Variants in GPHN observed in about 807,000 individuals in gnomAD.
GPHN encodes the protein gephyrin.
A neutral mutation model predicts 95.5 loss-of-function variants in GPHN; 17 were observed. That is an observed-to-expected ratio of 0.18 (90% CI 0.12 to 0.27). GPHN has a LOEUF of 0.27. Ranked by LOEUF, GPHN falls within the 10% of genes least tolerant of loss-of-function variation. The pLI, the probability that GPHN is intolerant of heterozygous loss-of-function variation, is 1.00. For missense variants in GPHN, 660 were observed against 978.1 expected (o/e 0.67, Z 4.34); for synonymous variants, 320 against 322.5 (o/e 0.99, Z 0.08).
At chr14:67,340,336 G>T in the GPHN span, 13 of 917,178 alleles carry the variant, frequency 1.4e-5, no homozygotes, top group Non-Finnish European at 2.1e-5. Flanking sequence ...TAAAACATAA[G>T]CTGTGCTAAT....
intron 9 of GPHN, among the ~76,000 whole-genome samples, chr14:67,011,426 A>G (rs558240510): frequency 1.1e-4 from 17 of 151,398 alleles, no homozygotes; most frequent in Admixed American, 7.9e-4. Flanking sequence ...AAAAAAAATT[A>G]TCTCGGGGGG....
At chr14:66,829,885 AC>A (rs2061521354) in intron 4 of GPHN, among the ~76,000 whole-genome samples, 2 of 152,250 alleles carry the variant, frequency 1.3e-5, no homozygotes, top group Admixed American at 1.3e-4. Flanking sequence ...CCAGCCTGTC[AC>A]CTTTTTTTTG....
the GPHN span, among the ~76,000 whole-genome samples, chr14:67,621,775 C>A: frequency 6.6e-6 from 1 of 151,502 alleles, no homozygotes; most frequent in African/African-American, 2.4e-5. Flanking sequence ...AAGGGAGAAC[C>A]CTTCTCTTAG....
At position 66,582,474 on chromosome 14, in the gene GPHN, G is replaced by A. The variant is rs1176662220; in HGVS notation, c.64+73883G>A. 2.6e-5 allele frequency among the ~76,000 whole-genome samples: 4 copies of A among 152,074 alleles called. No individual in the cohort carries two copies. The East Asian group carries it at 7.7e-4, about 29-fold the overall frequency. On this transcript the variant is annotated intron_variant, in intron 1 of 22. Coordinates refer to ENST00000478722, the MANE Select transcript of GPHN (RefSeq NM_020806.5). ...ATGTATACATGTGCCATGTTGGTGT[G>A]CTGCACCCATTAACTCATCATTTAG...
the GPHN span, among the ~76,000 whole-genome samples, chr14:67,628,017 GA>G: frequency 6.6e-6 from 1 of 152,264 alleles, no homozygotes; most frequent in Non-Finnish European, 1.5e-5. Flanking sequence ...ATCTAGCAAA[GA>G]CCAAACCTGC....
chr14:67,381,595 A>G, the GPHN span: 1 of 1,611,094 alleles, frequency 6.2e-7, no homozygotes, highest in East Asian at 2.2e-5. Context: ...AATTGTAGAT[A>G]TTGAAGTGGC....
the GPHN span, chr14:67,573,949 G>C: frequency 3.3e-6 from 4 of 1,216,682 alleles, no homozygotes. This position sits in a 1 kb window ranked among gnomAD's most constrained non-coding sequence, Gnocchi z 4.8. Flanking sequence ...GGATATGGCC[G>C]TGAGTGAGAC....
the GPHN span, among the ~76,000 whole-genome samples, chr14:67,411,136 CAAAAAAAAA>C: frequency 2.5e-3 from 128 of 52,078 alleles, no homozygotes; most frequent in African/African-American, 8.4e-3. Flanking sequence ...GACCCTGTCT[CAAAAAAAAA>C]AAAAAAAAAA....
chr14:66,941,239 T>C (rs941115388), intron 8 of GPHN, among the ~76,000 whole-genome samples: 1 of 141,334 alleles, frequency 7.1e-6, no homozygotes, highest in African/African-American at 3.0e-5. Flanking sequence ...TTTCTCTCTC[T>C]CCAGTCCTTA....
chr14:67,562,743 G>A, the GPHN span: 14 of 1,613,630 alleles, frequency 8.7e-6, no homozygotes, highest in African/African-American at 1.3e-5. Context: ...GCTAGGTCCC[G>A]GGAGGAACCA....
At chr14:67,432,009 T>C in the GPHN span, among the ~76,000 whole-genome samples, 1 of 152,236 alleles carries the variant, frequency 6.6e-6, no homozygotes, top group Admixed American at 6.5e-5. Flanking sequence ...TAACATATTC[T>C]TTTCAATATG....
chr14:66,685,219 A>G (rs969449890), intron 2 of GPHN, among the ~76,000 whole-genome samples: 11 of 152,284 alleles, frequency 7.2e-5, no homozygotes, highest in African/African-American at 2.6e-4. Context: ...TATGTGTGCC[A>G]TGTGTCTTTA....
At chr14:66,666,412 TAAAAA>T (rs201341918) in intron 1 of GPHN, among the ~76,000 whole-genome samples, 1 of 147,058 alleles carries the variant, frequency 6.8e-6, no homozygotes, top group African/African-American at 2.5e-5. Context: ...CATTTTTTAA[TAAAAA>T]AAAAAGCTTG....
intron 14 of GPHN, among the ~76,000 whole-genome samples, chr14:67,111,657 T>A (rs993736744): frequency 1.1e-4 from 17 of 152,020 alleles, no homozygotes; most frequent in Admixed American, 2.6e-4. Flanking sequence ...GAGAAAAAAA[T>A]TTTTTATTTA....
chr14:66,866,657 A>AT (rs1192784782), intron 4 of GPHN, among the ~76,000 whole-genome samples: 4 of 152,162 alleles, frequency 2.6e-5, no homozygotes, highest in Non-Finnish European at 5.9e-5. Context: ...ATACAGTGAG[A>AT]TTTTTCATAG....
the GPHN span, among the ~76,000 whole-genome samples, chr14:67,631,430 CTTTCTTT>C: frequency 5.8e-4 from 74 of 128,480 alleles, no homozygotes; most frequent in African/African-American, 2.3e-3. Flanking sequence ...TCCTTTCTTT[CTTTCTTT>C]TTTTTTTTTT....
At chr14:67,493,687 C>T in the GPHN span, among the ~76,000 whole-genome samples, 1 of 152,028 alleles carries the variant, frequency 6.6e-6, no homozygotes, top group Non-Finnish European at 1.5e-5. Flanking sequence ...CACCACATTC[C>T]CCTGGTTCTG....
intron 1 of GPHN, among the ~76,000 whole-genome samples, chr14:66,614,174 C>T (rs1205480107): frequency 6.6e-6 from 1 of 152,090 alleles, no homozygotes; most frequent in East Asian, 1.9e-4. Flanking sequence ...ATGAAAATAA[C>T]ATAACAGTAA....
At chr14:66,783,059 T>A (rs1450678379) in intron 3 of GPHN, among the ~76,000 whole-genome samples, 1 of 152,000 alleles carries the variant, frequency 6.6e-6, no homozygotes, top group Admixed American at 6.6e-5. Context: ...AAAATACCCC[T>A]ACAAAAGCCT....
Sources: allele counts gnomAD v4.1 joint callset (sites outside exome capture counted in the v4.1 genomes callset), GRCh38; gene constraint gnomAD v4.1.1; non-coding constraint Gnocchi (gnomAD v3.1); transcripts MANE v1.5; gene names NCBI Gene and HGNC (gene_info 2026-07-23, HGNC 2026-07-21).